Variants in COG5 observed in about 807,000 individuals in gnomAD.
COG5 encodes component of oligomeric golgi complex 5, also known as conserved oligomeric Golgi complex subunit 5.
A neutral mutation model predicts 110.4 loss-of-function variants in COG5; 86 were observed. The ratio of observed to expected loss-of-function variants is 0.78; its 90% CI spans 0.65 to 0.93. The LOEUF is 0.93. COG5 is among the 40% of genes least tolerant of loss of function. COG5 has a pLI of 0.00. For synonymous variants in COG5, 360 were observed against 334.6 expected, an observed-to-expected ratio of 1.08 and a Z score of -0.83; for missense variants, 1,077 against 987.0, an observed-to-expected ratio of 1.09 and a Z score of -1.22.
intron 11 of COG5, among the ~76,000 whole-genome samples, chr7:107,298,794 C>T (rs547758271): frequency 1.1e-4 from 16 of 152,264 alleles, no homozygotes; most frequent in African/African-American, 3.8e-4. Context: ...TTCCATTAAA[C>T]CGGTCTCAAT....
chr7:107,307,346 C>T (rs1215181943), intron 11 of COG5, among the ~76,000 whole-genome samples: 1 of 152,090 alleles, frequency 6.6e-6, no homozygotes. Flanking sequence ...TTTCTTTATT[C>T]TTCTGTGCTG....
At chr7:107,276,987 A>G (rs1308703397) in intron 14 of COG5, among the ~76,000 whole-genome samples, 1 of 152,236 alleles carries the variant, frequency 6.6e-6, no homozygotes, top group Non-Finnish European at 1.5e-5. Flanking sequence ...TATTGCAGGA[A>G]CTAAAGCCTA....
chr7:107,402,225 G>T (rs1266517757), intron 7 of COG5, among the ~76,000 whole-genome samples: 3 of 152,162 alleles, frequency 2.0e-5, no homozygotes, highest in Non-Finnish European at 4.4e-5. Context: ...GCTTGACCAA[G>T]AAGGTCTTCT....
At chr7:107,379,437 T>C (rs1814913788) in intron 7 of COG5, among the ~76,000 whole-genome samples, 1 of 152,010 alleles carries the variant, frequency 6.6e-6, no homozygotes, top group Non-Finnish European at 1.5e-5. Flanking sequence ...ACTTTAAAAG[T>C]AAATGGGCTA....
chr7:107,538,568 C>T (rs896879574), intron 5 of COG5, among the ~76,000 whole-genome samples: 3 of 151,838 alleles, frequency 2.0e-5, no homozygotes, highest in Non-Finnish European at 4.4e-5. Context: ...CTCAAGACAA[C>T]GATGCCACTT....
intron 8 of COG5, among the ~76,000 whole-genome samples, chr7:107,369,263 G>A (rs1436097059): frequency 6.6e-6 from 1 of 151,954 alleles, no homozygotes; most frequent in African/African-American, 2.4e-5. Context: ...TGCTGTTTTT[G>A]ACCATTATCT....
chr7:107,532,310 G>A (rs1801271545), intron 5 of COG5, among the ~76,000 whole-genome samples: 1 of 152,098 alleles, frequency 6.6e-6, no homozygotes, highest in South Asian at 2.1e-4. Flanking sequence ...ACCTGCCTTG[G>A]CCTCCCAAAG....
At chr7:107,547,804 G>C (rs1802555849) in intron 5 of COG5, among the ~76,000 whole-genome samples, 1 of 150,734 alleles carries the variant, frequency 6.6e-6, no homozygotes, top group Non-Finnish European at 1.5e-5. Context: ...AAAAAAAAAA[G>C]TTAGAAATAA....
chr7:107,325,296 A>G (rs1440992085), intron 10 of COG5, among the ~76,000 whole-genome samples: 3 of 152,346 alleles, frequency 2.0e-5, no homozygotes, highest in Non-Finnish European at 4.4e-5. Flanking sequence ...GGTATACAAT[A>G]TAATACTGCC....
intron 7 of COG5, among the ~76,000 whole-genome samples, chr7:107,396,463 T>G (rs1791016356): frequency 6.9e-6 from 1 of 145,460 alleles, no homozygotes; most frequent in South Asian, 2.2e-4. Flanking sequence ...GAAATCAACT[T>G]TATTCTAGCC....
intron 6 of COG5, among the ~76,000 whole-genome samples, chr7:107,419,901 A>G (rs1793157773): frequency 6.6e-6 from 1 of 152,188 alleles, no homozygotes; most frequent in African/African-American, 2.4e-5. Context: ...AAGATAACCA[A>G]AGCCTATTAA....
chr7:107,288,222 G>A (rs1194799619), intron 12 of COG5, among the ~76,000 whole-genome samples: 1 of 152,130 alleles, frequency 6.6e-6, no homozygotes, highest in Non-Finnish European at 1.5e-5. Flanking sequence ...TAATTAGTCA[G>A]GCATGGGAGT....
At chr7:107,546,885 A>C (rs1802495148) in intron 5 of COG5, among the ~76,000 whole-genome samples, 1 of 152,194 alleles carries the variant, frequency 6.6e-6, no homozygotes, top group Non-Finnish European at 1.5e-5. Flanking sequence ...TCAGTAATAA[A>C]AAGTCTCCTA....
chr7:107,460,984 C>T (rs1046382638), intron 6 of COG5, among the ~76,000 whole-genome samples: 3 of 151,940 alleles, frequency 2.0e-5, no homozygotes, highest in Non-Finnish European at 4.4e-5. Context: ...AACTTCTTGG[C>T]TCAAATGTCT....
At chr7:107,238,535 C>A (rs2116473306) in intron 17 of COG5, among the ~76,000 whole-genome samples, 1 of 152,314 alleles carries the variant, frequency 6.6e-6, no homozygotes, top group East Asian at 1.9e-4. Context: ...ACTGCTGGAT[C>A]ATGTGGTAGT....
intron 14 of COG5, among the ~76,000 whole-genome samples, chr7:107,278,197 A>G (rs1804857305): frequency 6.6e-6 from 1 of 152,026 alleles, no homozygotes; most frequent in African/African-American, 2.4e-5. Flanking sequence ...CCTTTATCTC[A>G]CTGCTTGAGC....
At chr7:107,552,074 A>C (rs1802933901) in intron 3 of COG5, among the ~76,000 whole-genome samples, 1 of 152,222 alleles carries the variant, frequency 6.6e-6, no homozygotes, top group South Asian at 2.1e-4. Flanking sequence ...TTTGAACATC[A>C]TTCTGGGAAA....
intron 6 of COG5, among the ~76,000 whole-genome samples, chr7:107,518,579 A>T (rs1048149943): frequency 3.3e-5 from 5 of 152,170 alleles, no homozygotes; most frequent in Admixed American, 2.6e-4. Context: ...TTATATAATC[A>T]TAAATGGATC....
chr7:107,327,822 A>G (rs1031601911), intron 10 of COG5, among the ~76,000 whole-genome samples: 8 of 152,222 alleles, frequency 5.3e-5, no homozygotes, highest in Non-Finnish European at 8.8e-5. Flanking sequence ...GGATGTGGAG[A>G]AACTGGAAAT....
Sources: allele counts gnomAD v4.1 joint callset (sites outside exome capture counted in the v4.1 genomes callset), GRCh38; gene constraint gnomAD v4.1.1; transcripts MANE v1.5; gene names NCBI Gene and HGNC (gene_info 2026-07-23, HGNC 2026-07-21).